The following ZNF609 variants were observed in gnomAD, a reference collection of about 807,000 sequenced individuals.
ZNF609 encodes zinc finger protein 609.
A neutral mutation model predicts 109.5 loss-of-function variants in ZNF609; 11 were observed. The observed-to-expected ratio is 0.10, with a 90% confidence interval of 0.06 to 0.17. The LOEUF (loss-of-function observed/expected upper bound fraction) is 0.17. Ranked by LOEUF, ZNF609 falls within the 10% of genes least tolerant of loss-of-function variation. The probability of loss-of-function intolerance (pLI) is 1.00; values close to 1 mark genes in which losing one functional copy is unlikely to be tolerated. For missense variants in ZNF609, 1,559 were observed against 1,772.4 expected, an observed-to-expected ratio of 0.88 and a Z score of 2.16; for synonymous variants, 646 against 662.0, an observed-to-expected ratio of 0.98 and a Z score of 0.37.
intron 2 of ZNF609, among the ~76,000 whole-genome samples, chr15:64,511,545 C>T: frequency 6.7e-6 from 1 of 150,280 alleles, no homozygotes; most frequent in Non-Finnish European, 1.5e-5. Context: ...AATCAGCATA[C>T]TGAATGTATC....
chr15:64,538,650 G>A (rs1346100038), intron 2 of ZNF609, among the ~76,000 whole-genome samples: 1 of 152,038 alleles, frequency 6.6e-6, no homozygotes, highest in Non-Finnish European at 1.5e-5. Flanking sequence ...GGGTTCAAGC[G>A]ATTCTCTTGC....
At chr15:64,505,844 A>G (rs1274335937) in intron 2 of ZNF609, among the ~76,000 whole-genome samples, 1 of 152,130 alleles carries the variant, frequency 6.6e-6, no homozygotes, top group African/African-American at 2.4e-5. Flanking sequence ...ACTCTTATGT[A>G]TAATTTAGTG....
At chr15:64,469,322 G>A (rs566777128) in intron 1 of ZNF609, among the ~76,000 whole-genome samples, 1 of 150,822 alleles carries the variant, frequency 6.6e-6, no homozygotes, top group Non-Finnish European at 1.5e-5. Context: ...TCTTCAGGAA[G>A]CAGAGATGGG....
Position 64,499,902 on chromosome 15 carries a change from G to A in ZNF609, c.483G>A (p.Glu161=). The A allele has an allele frequency of 6.2e-7, 1 of 1,614,052 alleles. No individual in the cohort carries two copies. The highest frequency in any genetic ancestry group is 1.1e-5 in the South Asian group (1 of 91,068). Reference sequence around the variant, plus strand: ...TAGCCGGTTCCAAAAAGGAGAAGGAGAACAGCTCATCTAAGAGCAAGAAGG... The same window carrying A: ...TAGCCGGTTCCAAAAAGGAGAAGGAAAACAGCTCATCTAAGAGCAAGAAGG... ...RSVAGSKKEK[E]NSSSKSKKER... is the part of the protein sequence containing the mutation. Residue 161 remains glutamate, a synonymous_variant, in exon 2 of 10, where the codon GAG becomes GAA. Transcript: ENST00000326648.
chr15:64,606,507 C>T (rs1388645418), intron 2 of ZNF609, among the ~76,000 whole-genome samples: 2 of 147,620 alleles, frequency 1.4e-5, no homozygotes, highest in Non-Finnish European at 3.0e-5. Flanking sequence ...TGCAGTGAGC[C>T]GAGACCATGC....
chr15:64,681,269 T>C (rs1448024259), intron 8 of ZNF609, 40 bp from the exon 9 acceptor site: 2 of 1,575,300 alleles, frequency 1.3e-6, no homozygotes, highest in Non-Finnish European at 1.7e-6. Context: ...ATGGAAGGTT[T>C]CTGTGAGTGC....
At chr15:64,607,567 C>G (rs190322253) in intron 2 of ZNF609, among the ~76,000 whole-genome samples, 3 of 146,642 alleles carry the variant, frequency 2.0e-5, no homozygotes, top group Admixed American at 6.9e-5. Context: ...TGCAGTGGCG[C>G]GATCTTGGCT....
At chr15:64,607,196 TAAA>T (rs1895617386) in intron 2 of ZNF609, among the ~76,000 whole-genome samples, 1 of 151,562 alleles carries the variant, frequency 6.6e-6, no homozygotes, top group Admixed American at 6.6e-5. Context: ...AAAAAATAAA[TAAA>T]TAATAGAACT....
At chr15:64,558,960 G>T (rs920276415) in intron 2 of ZNF609, among the ~76,000 whole-genome samples, 30 of 151,464 alleles carry the variant, frequency 2.0e-4, no homozygotes, top group African/African-American at 6.5e-4. Context: ...AAGAAGTTAT[G>T]ATTTTTCTCA....
intron 3 of ZNF609, among the ~76,000 whole-genome samples, chr15:64,641,241 G>T (rs1896252376): frequency 7.2e-4 from 1 of 1,394 alleles, no homozygotes. Flanking sequence ...TTTTGAGATG[G>T]AGTTTCGCTC....
chr15:64,507,712 A>G (rs990394640), intron 2 of ZNF609, among the ~76,000 whole-genome samples: 4 of 152,142 alleles, frequency 2.6e-5, no homozygotes, highest in African/African-American at 9.7e-5. Context: ...AGCATGTTGT[A>G]TCTCTGTGTA....
chr15:64,656,595 C>G (rs17800976), intron 3 of ZNF609, among the ~76,000 whole-genome samples: 6,907 of 152,226 alleles, frequency 0.045, 261 homozygotes, highest in Non-Finnish European at 0.066. Flanking sequence ...TCTGACCTAA[C>G]AGTCCATGGC....
chr15:64,489,526 C>T (rs1893380716), intron 1 of ZNF609, among the ~76,000 whole-genome samples: 1 of 77,072 alleles, frequency 1.3e-5, no homozygotes, highest in South Asian at 4.4e-4. Context: ...CTCCATTATT[C>T]ACTTTTTTTT....
At chr15:64,551,848 G>A (rs879537366) in intron 2 of ZNF609, among the ~76,000 whole-genome samples, 3 of 149,024 alleles carry the variant, frequency 2.0e-5, no homozygotes, top group East Asian at 3.9e-4. Context: ...TTAGCCAGGC[G>A]TGGTGGCAGG....
chr15:64,673,218 G>T (rs1896762316), intron 4 of ZNF609, among the ~76,000 whole-genome samples: 1 of 152,140 alleles, frequency 6.6e-6, no homozygotes, highest in Admixed American at 6.6e-5. Flanking sequence ...AATAGCTATG[G>T]TTCCCACTGT....
chr15:64,498,008 G>A (rs940276121), intron 1 of ZNF609, among the ~76,000 whole-genome samples: 6 of 152,042 alleles, frequency 3.9e-5, no homozygotes, highest in Non-Finnish European at 7.4e-5. Flanking sequence ...GATGGTATAT[G>A]TTGACTGCCA....
chr15:64,663,818 A>G (rs991247107), intron 3 of ZNF609, among the ~76,000 whole-genome samples: 5 of 152,122 alleles, frequency 3.3e-5, no homozygotes, highest in African/African-American at 9.7e-5. Context: ...CTCTCTTTCT[A>G]CTATTATACT....
intron 2 of ZNF609, among the ~76,000 whole-genome samples, chr15:64,544,641 G>T (rs963032335): frequency 6.6e-6 from 1 of 152,302 alleles, no homozygotes; most frequent in Middle Eastern, 3.4e-3. Context: ...TTCTCCTACA[G>T]CCTTATCTGA....
rs137959684 is a variant in ZNF609, at chr15:64,520,214, A to AT, written c.747+20050dup. Among the ~76,000 whole-genome samples the AT allele has an allele frequency of 8.8e-3, 1,333 of 152,184 alleles. 24 individuals are homozygous for AT. The highest frequency in any genetic ancestry group is 0.031 in the African/African-American group (1,278 of 41,468). ...ACCAGGATTTTTCAACAACAACACTATTGGTATTTGGGGCTAGGGTAATTC... is the reference window on the plus strand; with the variant it reads ...ACCAGGATTTTTCAACAACAACACTATTTGGTATTTGGGGCTAGGGTAATTC... On this transcript the variant is annotated intron_variant, in intron 2 of 9. Coordinates refer to ENST00000326648, the MANE Select transcript of ZNF609 (RefSeq NM_015042.2).
Sources: gnomAD v4.1 joint callset for allele counts (sites outside exome capture counted in the v4.1 genomes callset) on GRCh38, gnomAD v4.1.1 for gene constraint, MANE v1.5 for transcripts, NCBI Gene and HGNC (gene_info 2026-07-23, HGNC 2026-07-21) for gene names.